CPQ: variants seen among roughly 807,000 people sequenced by gnomAD.
CPQ encodes carboxypeptidase Q.
CPQ carries 37 observed loss-of-function variants against 45.7 expected under a neutral mutation model. The ratio of observed to expected loss-of-function variants is 0.81; its 90% CI spans 0.62 to 1.07. The LOEUF is 1.07. CPQ is among the 50% of genes least tolerant of loss of function. The pLI is 0.00. For missense variants in CPQ, 537 were observed against 572.9 expected, an observed-to-expected ratio of 0.94 and a Z score of 0.64; for synonymous variants, 186 against 205.8, an observed-to-expected ratio of 0.90 and a Z score of 0.82.
chr8:96,715,262 G>T (rs1809658816), intron 1 of CPQ, among the ~76,000 whole-genome samples: 1 of 152,144 alleles, frequency 6.6e-6, no homozygotes, highest in African/African-American at 2.4e-5. Flanking sequence ...TGAGTTCTCT[G>T]CAGGGGAAAT....
At chr8:96,769,270 C>T (rs1186569637) in intron 1 of CPQ, among the ~76,000 whole-genome samples, 6 of 152,142 alleles carry the variant, frequency 3.9e-5, no homozygotes, top group Admixed American at 3.9e-4. Flanking sequence ...GGTTAGAATC[C>T]CTTTTCCTTT....
At chr8:97,139,179 G>C (rs901988270) in intron 7 of CPQ, among the ~76,000 whole-genome samples, 3 of 152,118 alleles carry the variant, frequency 2.0e-5, no homozygotes, top group Non-Finnish European at 2.9e-5. Flanking sequence ...CATTACAGAT[G>C]AGTTTTCAAT....
intron 2 of CPQ, among the ~76,000 whole-genome samples, chr8:96,830,088 A>G (rs1476531838): frequency 6.6e-6 from 1 of 152,154 alleles, no homozygotes; most frequent in African/African-American, 2.4e-5. Context: ...CCATGGACCT[A>G]GTTATCTTGC....
chr8:97,030,318 T>A (rs529438682), intron 6 of CPQ, among the ~76,000 whole-genome samples: 1 of 152,070 alleles, frequency 6.6e-6, no homozygotes, highest in Non-Finnish European at 1.5e-5. Context: ...GCTTAAATTA[T>A]CCAAATCGGA....
At position 96,653,167 on chromosome 8, in the gene CPQ, A is replaced by G. The variant is rs1044245114; in HGVS notation, c.-35+7765A>G. On this transcript the variant is annotated intron_variant, in intron 1 of 7. Transcript: ENST00000220763. ...TGGTCTCAAACTCCTGAGCTCAAGC[A>G]ATCTACTCTCCTTGGCCTCCCAAAG... Among the ~76,000 whole-genome samples, 4 of 152,118 alleles carry G rather than the reference A, an allele frequency of 2.6e-5. No individual in the cohort carries two copies. In the South Asian group the frequency reaches 6.2e-4, roughly 24 times the overall value.
chr8:96,692,850 A>G (rs959082032), intron 1 of CPQ, among the ~76,000 whole-genome samples: 26 of 152,164 alleles, frequency 1.7e-4, no homozygotes, highest in Admixed American at 1.3e-3. Flanking sequence ...AATGAACTCA[A>G]TAAGGTGCCA....
intron 1 of CPQ, among the ~76,000 whole-genome samples, chr8:96,698,150 A>G (rs186732472): frequency 6.9e-6 from 1 of 145,882 alleles, no homozygotes; most frequent in East Asian, 1.9e-4. Flanking sequence ...GCATAAAAAC[A>G]GTTAGACCAA....
intron 1 of CPQ, among the ~76,000 whole-genome samples, chr8:96,670,564 T>A (rs1176852500): frequency 1.3e-5 from 2 of 152,140 alleles, no homozygotes; most frequent in African/African-American, 4.8e-5. Context: ...TATCTAATGA[T>A]AAAAGCCTTA....
chr8:96,854,374 A>G (rs1586427145), intron 3 of CPQ, among the ~76,000 whole-genome samples: 1 of 150,326 alleles, frequency 6.7e-6, no homozygotes, highest in African/African-American at 2.5e-5. Flanking sequence ...TACTAAAAAT[A>G]CAAAAAATTA....
chr8:96,735,385 T>C (rs1364447137), intron 1 of CPQ, among the ~76,000 whole-genome samples: 1 of 152,200 alleles, frequency 6.6e-6, no homozygotes, highest in Non-Finnish European at 1.5e-5. Context: ...CAGAAACCCT[T>C]GTGGGTATGA....
intron 1 of CPQ, among the ~76,000 whole-genome samples, chr8:96,668,669 G>A (rs112909709): frequency 0.024 from 3,686 of 152,154 alleles, 163 homozygotes; most frequent in African/African-American, 0.084. Flanking sequence ...TCTCCTAAGT[G>A]CAACTAAAAA....
chr8:97,014,916 A>ACTT (rs897027441), intron 5 of CPQ, among the ~76,000 whole-genome samples: 12 of 152,132 alleles, frequency 7.9e-5, no homozygotes, highest in African/African-American at 1.7e-4. Flanking sequence ...ATTAAAAAAA[A>ACTT]CTTATGCTTC....
At chr8:97,077,350 A>C (rs1465184693) in intron 7 of CPQ, among the ~76,000 whole-genome samples, 1 of 152,220 alleles carries the variant, frequency 6.6e-6, no homozygotes, top group Non-Finnish European at 1.5e-5. Flanking sequence ...AACTGCTCAC[A>C]TAGAGGTGAT....
chr8:96,824,741 T>A (rs1367598068), intron 2 of CPQ, among the ~76,000 whole-genome samples: 1 of 152,004 alleles, frequency 6.6e-6, no homozygotes, highest in Non-Finnish European at 1.5e-5. Context: ...ATTATTACTG[T>A]TGTTAAATGG....
At chr8:96,660,507 A>C (rs752275161) in intron 1 of CPQ, among the ~76,000 whole-genome samples, 3 of 152,120 alleles carry the variant, frequency 2.0e-5, no homozygotes, top group Non-Finnish European at 2.9e-5. Flanking sequence ...GTATCCCTCT[A>C]TGTATTCTGT....
chr8:96,705,202 T>G (rs925764734), intron 1 of CPQ, among the ~76,000 whole-genome samples: 3 of 152,214 alleles, frequency 2.0e-5, no homozygotes, highest in Non-Finnish European at 4.4e-5. Flanking sequence ...ATCTCTCTAA[T>G]AAGACTCTAT....
chr8:97,123,024 T>TAAATAAAATAAAATAAATA (rs1586552162), intron 7 of CPQ, among the ~76,000 whole-genome samples: 2 of 26,408 alleles, frequency 7.6e-5, no homozygotes, highest in Admixed American at 6.4e-4. Context: ...TAAAATAAAA[T>TAAATAAAATAAAATAAATA]AAATAAAATA....
intron 1 of CPQ, among the ~76,000 whole-genome samples, chr8:96,725,063 C>T (rs138614980): frequency 4.5e-4 from 69 of 152,254 alleles, no homozygotes; most frequent in Admixed American, 1.2e-3. Flanking sequence ...CTGCCTTTCA[C>T]CACATACAAA....
chr8:96,740,013 C>T (rs1006591499), intron 1 of CPQ, among the ~76,000 whole-genome samples: 12 of 152,118 alleles, frequency 7.9e-5, no homozygotes, highest in Non-Finnish European at 1.5e-4. Flanking sequence ...TCATTGGTAG[C>T]TTCATGGGGA....
Sources: allele counts gnomAD v4.1 joint callset (sites outside exome capture counted in the v4.1 genomes callset), GRCh38; gene constraint gnomAD v4.1.1; transcripts MANE v1.5; gene names NCBI Gene and HGNC (gene_info 2026-07-23, HGNC 2026-07-21).